Variants in CSMD3 observed in about 807,000 individuals in gnomAD.
CSMD3 encodes CUB and sushi domain-containing protein 3.
CSMD3 carries 177 observed loss-of-function variants against 435.2 expected under a neutral mutation model. That is an observed-to-expected ratio of 0.41 (90% CI 0.36 to 0.46). The LOEUF (loss-of-function observed/expected upper bound fraction) is 0.46, where lower values mean the gene tolerates loss of function less well. Among genes scored for constraint, CSMD3 ranks in the 20% least tolerant of loss-of-function variants. CSMD3 has a pLI of 0.34. For synonymous variants in CSMD3, 1,656 were observed against 1,520.5 expected, an observed-to-expected ratio of 1.09 and a Z score of -2.07; for missense variants, 4,265 against 4,504.6, an observed-to-expected ratio of 0.95 and a Z score of 1.52.
Position 112,859,166 on chromosome 8 carries a change from G to C in CSMD3, c.1734C>G (p.Ile578Met), listed in dbSNP as rs2129857151. The stretch of plus-strand genomic sequence containing the variant: ...TTACCTTATTTGTATTCACTGCTGT[G>C]ATGACCCAGACACATTGTGCATTGC... Reference protein sequence around the residue: ...YDSNAQCVWVITAVNTNKVIQ... With the variant: ...YDSNAQCVWVMTAVNTNKVIQ... The change falls in exon 11 of 71, where the codon ATC (isoleucine) becomes ATG (methionine). Residue 578 changes from isoleucine (I) to methionine (M), a missense_variant. Physicochemically the swap from Ile to Met is conservative, Grantham distance 10. Coordinates refer to ENST00000297405, the MANE Select transcript of CSMD3 (RefSeq NM_198123.2). 6.2e-7 allele frequency: 1 copy of C among 1,610,826 alleles called. No individual in the cohort carries two copies. Among genetic ancestry groups the C allele is most frequent in the Non-Finnish European group, 8.5e-7 (1 of 1,177,516 alleles).
At chr8:112,884,298 C>A (rs568354708) in intron 10 of CSMD3, among the ~76,000 whole-genome samples, 17 of 151,776 alleles carry the variant, frequency 1.1e-4, no homozygotes, top group African/African-American at 3.1e-4. Context: ...TTAGTATCAA[C>A]CCATGTGAGT....
chr8:113,184,079 C>T (rs569294763), intron 3 of CSMD3, among the ~76,000 whole-genome samples: 33 of 152,048 alleles, frequency 2.2e-4, no homozygotes, highest in Non-Finnish European at 4.4e-4. Context: ...GGAGTTTTCA[C>T]TAGGGAGACT....
At chr8:112,761,501 T>C (rs1338593046) in intron 13 of CSMD3, among the ~76,000 whole-genome samples, 1 of 152,110 alleles carries the variant, frequency 6.6e-6, no homozygotes, top group African/African-American at 2.4e-5. Context: ...TTTTTCATGA[T>C]AAGTGTTACC....
chr8:112,735,740 A>G (rs2077172433), intron 13 of CSMD3, among the ~76,000 whole-genome samples: 1 of 152,014 alleles, frequency 6.6e-6, no homozygotes, highest in South Asian at 2.1e-4. Context: ...GTTTCAGGCA[A>G]CGTCATTCTC....
chr8:112,715,901 A>G (rs1361173643), intron 13 of CSMD3, among the ~76,000 whole-genome samples: 1 of 152,202 alleles, frequency 6.6e-6, no homozygotes, highest in Non-Finnish European at 1.5e-5. Flanking sequence ...TTTTTGATAA[A>G]CTAGATATTC....
At chr8:113,059,667 C>T (rs1422632365) in intron 5 of CSMD3, among the ~76,000 whole-genome samples, 1 of 152,168 alleles carries the variant, frequency 6.6e-6, no homozygotes, top group Non-Finnish European at 1.5e-5. Context: ...ATGCAGATGT[C>T]ATTTGCTAAT....
At chr8:113,072,995 A>C (rs1178934113) in intron 5 of CSMD3, among the ~76,000 whole-genome samples, 1 of 149,760 alleles carries the variant, frequency 6.7e-6, no homozygotes, top group Non-Finnish European at 1.5e-5. Flanking sequence ...GATCTATTTC[A>C]AATCATTATT....
intron 38 of CSMD3, among the ~76,000 whole-genome samples, chr8:112,354,204 A>G (rs1226720669): frequency 6.6e-6 from 1 of 152,146 alleles, no homozygotes; most frequent in Non-Finnish European, 1.5e-5. Context: ...TTTCAAAATA[A>G]TAAGATCCAT....
intron 66 of CSMD3, among the ~76,000 whole-genome samples, chr8:112,238,365 A>G (rs988562743): frequency 2.6e-5 from 4 of 152,212 alleles, no homozygotes; most frequent in Admixed American, 1.3e-4. Flanking sequence ...GATTGCCATG[A>G]CAAGCTGTGT....
chr8:112,295,448 A>G (rs1004824688), intron 54 of CSMD3, among the ~76,000 whole-genome samples: 2 of 152,138 alleles, frequency 1.3e-5, no homozygotes, highest in Non-Finnish European at 2.9e-5. Flanking sequence ...AATATTTTCC[A>G]CTATAAAAAG....
intron 27 of CSMD3, among the ~76,000 whole-genome samples, chr8:112,534,089 C>A (rs768152810): frequency 6.6e-6 from 1 of 152,042 alleles, no homozygotes; most frequent in African/African-American, 2.4e-5. Flanking sequence ...AAAAAATTGA[C>A]ACCCTAACAT....
chr8:112,465,858 CCA>C (rs1329184554), intron 32 of CSMD3, among the ~76,000 whole-genome samples: 5 of 151,502 alleles, frequency 3.3e-5, no homozygotes, highest in Admixed American at 3.3e-4. Flanking sequence ...GCCTATAATC[CCA>C]GCCACTTGGG....
intron 9 of CSMD3, among the ~76,000 whole-genome samples, chr8:112,929,601 T>G (rs144093990): frequency 0.034 from 5,110 of 152,096 alleles, 141 homozygotes; most frequent in Middle Eastern, 0.049. Flanking sequence ...TTTTAATAGA[T>G]CTTCAATTCT....
At chr8:112,397,627 C>T (rs1667605925) in intron 35 of CSMD3, among the ~76,000 whole-genome samples, 1 of 152,144 alleles carries the variant, frequency 6.6e-6, no homozygotes, top group Admixed American at 6.6e-5. Context: ...CGTCTTCTGG[C>T]TGTGTCCTCA....
At chr8:113,375,063 T>G (rs2094372655) in intron 1 of CSMD3, among the ~76,000 whole-genome samples, 1 of 152,104 alleles carries the variant, frequency 6.6e-6, no homozygotes, top group African/African-American at 2.4e-5. Flanking sequence ...AATTTTATGT[T>G]ATATACAGAA....
At chr8:113,019,993 C>T (rs1003172365) in intron 5 of CSMD3, among the ~76,000 whole-genome samples, 13 of 150,874 alleles carry the variant, frequency 8.6e-5, no homozygotes, top group African/African-American at 3.2e-4. Context: ...GAAACCCCGT[C>T]TCTACTAAAA....
At chr8:112,877,053 G>A (rs1039997949) in intron 10 of CSMD3, among the ~76,000 whole-genome samples, 5 of 152,062 alleles carry the variant, frequency 3.3e-5, no homozygotes, top group Non-Finnish European at 5.9e-5. Flanking sequence ...ACTTACAAGG[G>A]ATGTGAAGGA....
At chr8:112,257,277 T>C (rs1446218067) in intron 61 of CSMD3, among the ~76,000 whole-genome samples, 1 of 152,080 alleles carries the variant, frequency 6.6e-6, no homozygotes, top group Non-Finnish European at 1.5e-5. Context: ...GGAAGTTCTG[T>C]CCAGAGTGAT....
At chr8:113,359,823 A>G (rs1224564384) in intron 1 of CSMD3, among the ~76,000 whole-genome samples, 1 of 152,238 alleles carries the variant, frequency 6.6e-6, no homozygotes, top group African/African-American at 2.4e-5. Context: ...AATTAAAGAA[A>G]ACAGTGGAGA....
Sources: allele counts gnomAD v4.1 joint callset (sites outside exome capture counted in the v4.1 genomes callset), GRCh38; gene constraint gnomAD v4.1.1; transcripts MANE v1.5; gene names NCBI Gene and HGNC (gene_info 2026-07-23, HGNC 2026-07-21).